Variants in GRIK4 observed in about 807,000 individuals in gnomAD.
GRIK4 encodes the protein glutamate ionotropic receptor kainate type subunit 4.
Under a neutral mutation model 104.9 loss-of-function variants are expected in GRIK4, and 40 were observed. The observed-to-expected ratio is 0.38, with a 90% CI of 0.30 to 0.50. The LOEUF (loss-of-function observed/expected upper bound fraction) is 0.50. Ranked by LOEUF, GRIK4 falls within the 20% of genes least tolerant of loss-of-function variation. GRIK4 has a pLI of 0.93. For synonymous variants in GRIK4, 485 were observed against 524.9 expected (o/e 0.92, Z 1.04); for missense variants, 1,047 against 1,308.1 (o/e 0.80, Z 3.08).
intron 7 of GRIK4, among the ~76,000 whole-genome samples, chr11:120,835,841 G>A (rs1017365664): frequency 2.6e-5 from 4 of 152,062 alleles, no homozygotes; most frequent in Admixed American, 2.6e-4. Flanking sequence ...GTTGGCTAGG[G>A]GTATTTATGA....
At chr11:120,855,564 CT>C (rs10717552) in intron 8 of GRIK4, among the ~76,000 whole-genome samples, 67,387 of 144,842 alleles carry the variant, frequency 0.47, 15,973 homozygotes, top group African/African-American at 0.59. Flanking sequence ...CTTATGGTGA[CT>C]TTTTTTTTTT....
chr11:120,983,388 TC>T (rs750352503), intron 20 of GRIK4, among the ~76,000 whole-genome samples: 12 of 152,144 alleles, frequency 7.9e-5, no homozygotes, highest in Non-Finnish European at 1.3e-4. Context: ...GCCTGGCTCC[TC>T]CCTACCCCTG....
Position 120,929,394 on chromosome 11 carries a change from C to T in GRIK4, c.1477-10953C>T, listed in dbSNP as rs984189856. On this transcript the variant is annotated intron_variant, in intron 13 of 20. Transcript: ENST00000527524. The stretch of plus-strand genomic sequence containing the variant: ...TCCCTGGCTCCTTCTGATCCCATTG[C>T]CCTGCAGCTCGGTGACCCCAGTGAG... Among the ~76,000 whole-genome samples, 80 of 152,118 alleles carry T rather than the reference C, an allele frequency of 5.3e-4. 3 individuals are homozygous for T. The highest frequency in any genetic ancestry group is 1.5e-5 in the Non-Finnish European group (1 of 68,024).
At chr11:120,574,651 A>G (rs1228926651) in intron 1 of GRIK4, among the ~76,000 whole-genome samples, 1 of 152,076 alleles carries the variant, frequency 6.6e-6, no homozygotes, top group Admixed American at 6.6e-5. Flanking sequence ...CTTGTTCACT[A>G]TTGAACCCGT....
intron 8 of GRIK4, among the ~76,000 whole-genome samples, chr11:120,861,093 CTTTTTTTTTTT>C (rs547199127): frequency 0.01 from 876 of 86,544 alleles, 7 homozygotes; most frequent in African/African-American, 0.033. Context: ...AAATCATCCT[CTTTTTTTTTTT>C]TTTTTTTTTT....
At chr11:120,968,336 G>C (rs2134753409) in intron 19 of GRIK4, among the ~76,000 whole-genome samples, 1 of 152,308 alleles carries the variant, frequency 6.6e-6, no homozygotes, top group Non-Finnish European at 1.5e-5. Flanking sequence ...TCCTGGTTTA[G>C]ACAATAAATC....
intron 8 of GRIK4, among the ~76,000 whole-genome samples, chr11:120,849,754 T>A (rs1953933509): frequency 1.3e-5 from 2 of 152,258 alleles, no homozygotes; most frequent in African/African-American, 4.8e-5. Flanking sequence ...CTTGTCAAAC[T>A]GATCTTTTTG....
Position 120,524,265 on chromosome 11 carries a change from T to A in GRIK4, c.-159+12378T>A, listed in dbSNP as rs1054639903. 6.6e-6 allele frequency among the ~76,000 whole-genome samples: 1 copy of A among 152,164 alleles called. No homozygotes were observed. The highest frequency in any genetic ancestry group is 1.5e-5 in the Non-Finnish European group (1 of 68,020). On this transcript the variant is annotated intron_variant, in intron 1 of 20. Transcript: ENST00000527524. The surrounding 1 kb of genome is among the most constrained non-coding windows in gnomAD (Gnocchi z 4.5). Reference sequence around the variant, plus strand: ...CCCCAACAACCAGAACAGCACTGGGTGCTCAGTATGCGTTTAGTGGGTGAA... The same window carrying A: ...CCCCAACAACCAGAACAGCACTGGGAGCTCAGTATGCGTTTAGTGGGTGAA...
intron 3 of GRIK4, among the ~76,000 whole-genome samples, chr11:120,780,562 T>C (rs1484236089): frequency 6.6e-6 from 1 of 152,252 alleles, no homozygotes; most frequent in Non-Finnish European, 1.5e-5. Context: ...ACCTTTTGGC[T>C]GTTGTGAATA....
At chr11:120,641,271 G>A (rs1482136449) in intron 1 of GRIK4, among the ~76,000 whole-genome samples, 1 of 151,900 alleles carries the variant, frequency 6.6e-6, no homozygotes, top group Non-Finnish European at 1.5e-5. Context: ...TCCTGAATTA[G>A]TATAAAGATT....
intron 3 of GRIK4, among the ~76,000 whole-genome samples, chr11:120,744,277 C>T (rs1352621235): frequency 1.3e-5 from 2 of 152,192 alleles, no homozygotes; most frequent in South Asian, 2.1e-4. Context: ...TTGGGAATAT[C>T]TGGAAACAGT....
At chr11:120,782,801 G>T (rs1448338495) in intron 3 of GRIK4, among the ~76,000 whole-genome samples, 1 of 152,082 alleles carries the variant, frequency 6.6e-6, no homozygotes, top group African/African-American at 2.4e-5. Context: ...CTAAGCTGGG[G>T]GCAATTTCTC....
chr11:120,847,816 G>T (rs533285379), intron 8 of GRIK4, among the ~76,000 whole-genome samples: 1 of 152,212 alleles, frequency 6.6e-6, no homozygotes, highest in Non-Finnish European at 1.5e-5. Context: ...TGTCACAAAT[G>T]CCTGTCCCAG....
chr11:120,746,939 G>A (rs780533880), intron 3 of GRIK4, among the ~76,000 whole-genome samples: 9 of 152,152 alleles, frequency 5.9e-5, no homozygotes, highest in Admixed American at 1.3e-4. Flanking sequence ...CTCCACCACT[G>A]GTAAGCTGTG....
chr11:120,872,149 C>T (rs145877538), intron 9 of GRIK4: 26 of 331,586 alleles, frequency 7.8e-5, no homozygotes, highest in East Asian at 2.3e-4. Flanking sequence ...TGTCTTCTGA[C>T]GCTGGCAGTT....
chr11:120,699,163 C>T (rs566260970), intron 3 of GRIK4, among the ~76,000 whole-genome samples: 2 of 152,208 alleles, frequency 1.3e-5, no homozygotes, highest in Admixed American at 1.3e-4. Context: ...GCCTCTGGCC[C>T]AGGTGGCAAG....
intron 1 of GRIK4, among the ~76,000 whole-genome samples, chr11:120,638,517 A>G (rs1949428148): frequency 6.7e-6 from 1 of 149,140 alleles, no homozygotes; most frequent in Non-Finnish European, 1.5e-5. Context: ...GTCTCGTGTC[A>G]CCCAGGCTGG....
At chr11:120,607,214 T>G (rs1948973511) in intron 1 of GRIK4, among the ~76,000 whole-genome samples, 1 of 152,076 alleles carries the variant, frequency 6.6e-6, no homozygotes, top group African/African-American at 2.4e-5. Context: ...TGGTGACCGG[T>G]TCAGTATTGG....
intron 1 of GRIK4, among the ~76,000 whole-genome samples, chr11:120,627,438 A>G (rs1163037605): frequency 6.6e-6 from 1 of 152,174 alleles, no homozygotes; most frequent in African/African-American, 2.4e-5. Context: ...TCCCCTCCCC[A>G]GAGTCTCTGC....
Sources: allele counts gnomAD v4.1 joint callset (sites outside exome capture counted in the v4.1 genomes callset), GRCh38; gene constraint gnomAD v4.1.1; non-coding constraint Gnocchi (gnomAD v3.1); transcripts MANE v1.5; gene names NCBI Gene and HGNC (gene_info 2026-07-23, HGNC 2026-07-21).